The following ZSWIM5 variants were observed in gnomAD, a reference collection of about 807,000 sequenced individuals.
ZSWIM5 encodes zinc finger SWIM domain-containing protein 5.
In ZSWIM5, 55 loss-of-function variants were observed where a neutral mutation model predicts 119.6. The ratio of observed to expected loss-of-function variants is 0.46; its 90% CI spans 0.37 to 0.58. The LOEUF (loss-of-function observed/expected upper bound fraction) is 0.58. Among genes scored for constraint, ZSWIM5 ranks in the 20% least tolerant of loss-of-function variants. ZSWIM5 has a pLI of 0.00. For synonymous variants in ZSWIM5, 537 were observed against 606.9 expected (o/e 0.88, Z 1.69); for missense variants, 1,193 against 1,512.8 (o/e 0.79, Z 3.51).
At chr1:45,038,805 A>G in intron 8 of ZSWIM5, 131 bp downstream of exon 8, 1 of 1,075,090 alleles carries the variant, frequency 9.3e-7, no homozygotes, top group Non-Finnish European at 1.3e-6. Context: ...CATGTTGCCC[A>G]GGCTGGTCTT....
At chr1:45,163,646 G>GA (rs1246847512) in intron 1 of ZSWIM5, among the ~76,000 whole-genome samples, 4 of 152,208 alleles carry the variant, frequency 2.6e-5, no homozygotes, top group Non-Finnish European at 4.4e-5. Flanking sequence ...TGATGGAGCT[G>GA]AAAACCATGG....
At chr1:45,029,957 A>C (rs922657448) in intron 11 of ZSWIM5, among the ~76,000 whole-genome samples, 20 of 151,888 alleles carry the variant, frequency 1.3e-4, no homozygotes, top group Non-Finnish European at 7.4e-5. Context: ...CGACCCACCT[A>C]CCTGTTTATG....
intron 1 of ZSWIM5, among the ~76,000 whole-genome samples, chr1:45,188,070 A>G (rs1270663268): frequency 3.9e-5 from 6 of 152,228 alleles, no homozygotes; most frequent in Non-Finnish European, 8.8e-5. Flanking sequence ...TAGTTACTGC[A>G]TGATCCAACA....
At chr1:45,031,246 G>A (rs1485800300) in intron 11 of ZSWIM5, among the ~76,000 whole-genome samples, 2 of 121,346 alleles carry the variant, frequency 1.6e-5, no homozygotes, top group Non-Finnish European at 3.2e-5. Context: ...GTGTGATCTT[G>A]GCTGACTGCA....
intron 1 of ZSWIM5, among the ~76,000 whole-genome samples, chr1:45,165,980 A>G (rs1215481224): frequency 2.0e-5 from 3 of 152,156 alleles, no homozygotes; most frequent in Admixed American, 6.6e-5. Flanking sequence ...GGCCAGCATC[A>G]TCCTGATACC....
At chr1:45,074,186 G>A (rs1353365920) in intron 2 of ZSWIM5, among the ~76,000 whole-genome samples, 3 of 151,912 alleles carry the variant, frequency 2.0e-5, no homozygotes, top group Admixed American at 1.3e-4. Context: ...ATATTGGCCT[G>A]TAGTTTTATT....
intron 2 of ZSWIM5, among the ~76,000 whole-genome samples, chr1:45,076,550 G>A (rs1393237032): frequency 1.3e-5 from 2 of 152,090 alleles, no homozygotes; most frequent in Non-Finnish European, 2.9e-5. Flanking sequence ...ACCTTTGGGA[G>A]TTTGATTATT....
At chr1:45,077,750 C>G (rs1057425541) in intron 2 of ZSWIM5, among the ~76,000 whole-genome samples, 2 of 152,052 alleles carry the variant, frequency 1.3e-5, no homozygotes, top group African/African-American at 2.4e-5. Flanking sequence ...AGGTACGCCC[C>G]GGGGGGGCCA....
chr1:45,018,681 A>T lies in ZSWIM5; in HGVS notation c.3331T>A (p.Leu1111Met). 1 of 1,614,194 alleles carries T rather than the reference A, an allele frequency of 6.2e-7. No homozygotes were observed. Among genetic ancestry groups the T allele is most frequent in the Non-Finnish European group, 8.5e-7 (1 of 1,180,036 alleles). Residue 1111 changes from leucine (L) to methionine (M), a missense_variant, in exon 14 of 14, where the codon TTG becomes ATG. This residue lies in a region of ZSWIM5 where 961 missense variants were observed against 1,290.0 expected (regional missense o/e 0.74). Coordinates refer to ENST00000359600, the MANE Select transcript of ZSWIM5 (RefSeq NM_020883.2). The surrounding 1 kb of genome is among the most constrained non-coding windows in gnomAD (Gnocchi z 6.7). ...TAGGCATTGATGGTGGCATCCAGCA[A>T]CTGGCGCAATGGAGCTTTGTCAGTG... ...MSTDKAPLRQ[L>M]LDATINAYIN...
chr1:45,145,499 T>C (rs763937142), intron 1 of ZSWIM5, among the ~76,000 whole-genome samples: 12 of 152,008 alleles, frequency 7.9e-5, no homozygotes, highest in African/African-American at 2.4e-4. Flanking sequence ...GAATAAACTA[T>C]AGATACAGGC....
At chr1:45,093,884 C>A (rs750024207) in intron 1 of ZSWIM5, among the ~76,000 whole-genome samples, 22 of 146,258 alleles carry the variant, frequency 1.5e-4, no homozygotes, top group Non-Finnish European at 2.7e-4. Context: ...TGCTCCGTTA[C>A]CCAGGCTGGA....
Position 45,183,708 on chromosome 1 carries a change from G to C in ZSWIM5, c.595+22048C>G, listed in dbSNP as rs564269328. ...CCCAAGACTAAACCAGGAAGAAGTT[G>C]AATCTCTGAATAGACCAATAACAGG... is the stretch of plus-strand genomic sequence containing the variant. On this transcript the variant is annotated intron_variant, in intron 1 of 13. Transcript: ENST00000359600. 2.4e-4 allele frequency among the ~76,000 whole-genome samples: 36 copies of C among 152,230 alleles called. No individual in the cohort carries two copies. In the East Asian group the frequency reaches 5.8e-3, roughly 24 times the overall value.
chr1:45,020,502 G>A, intron 12 of ZSWIM5, 123 bp downstream of exon 12: 1 of 1,180,428 alleles, frequency 8.5e-7, no homozygotes. Flanking sequence ...CCTAGAACTT[G>A]TGTTCTGGGC....
chr1:45,055,750 G>C (rs1378394664), intron 4 of ZSWIM5, among the ~76,000 whole-genome samples: 1 of 152,238 alleles, frequency 6.6e-6, no homozygotes, highest in African/African-American at 2.4e-5. Context: ...AGGCAGAGAA[G>C]TCTGCAAAGG....
intron 4 of ZSWIM5, among the ~76,000 whole-genome samples, chr1:45,055,157 A>AT (rs1467669924): frequency 5.9e-5 from 9 of 152,018 alleles, no homozygotes; most frequent in Non-Finnish European, 1.5e-5. Context: ...TGCCTGGCTA[A>AT]TTTTTTGTAT....
At chr1:45,027,011 C>CA (rs34579942) in intron 11 of ZSWIM5, among the ~76,000 whole-genome samples, 38,286 of 151,086 alleles carry the variant, frequency 0.25, 5,051 homozygotes, top group Admixed American at 0.34. Flanking sequence ...TAGAGTTGTT[C>CA]AAATTTTTTT....
At chr1:45,193,579 T>A (rs1646104489) in intron 1 of ZSWIM5, among the ~76,000 whole-genome samples, 1 of 152,140 alleles carries the variant, frequency 6.6e-6, no homozygotes. Context: ...ATACTGTGTT[T>A]GGCAATCATG....
chr1:45,048,050 TTTCTTTCTTTC>T (rs2148996134), intron 5 of ZSWIM5, among the ~76,000 whole-genome samples: 1 of 39,478 alleles, frequency 2.5e-5, no homozygotes, highest in African/African-American at 9.8e-5. Flanking sequence ...TCTTTCTTTC[TTTCTTTCTTTC>T]TTTCTTTCCT....
intron 2 of ZSWIM5, among the ~76,000 whole-genome samples, chr1:45,066,010 C>A (rs929535223): frequency 3.5e-5 from 4 of 115,298 alleles, no homozygotes; most frequent in African/African-American, 1.3e-4. Context: ...TATCCCTCCC[C>A]CCTCCCCCCA....
Sources: gnomAD v4.1 joint callset for allele counts (sites outside exome capture counted in the v4.1 genomes callset) on GRCh38, gnomAD v4.1.1 for gene constraint, gnomAD v4.1.1 regional missense constraint, Gnocchi (gnomAD v3.1) non-coding constraint, MANE v1.5 for transcripts, NCBI Gene and HGNC (gene_info 2026-07-23, HGNC 2026-07-21) for gene names.